ADAMTSL3: variants seen among roughly 807,000 people sequenced by gnomAD.
ADAMTSL3 encodes the protein ADAMTS like 3.
ADAMTSL3 carries 128 observed loss-of-function variants against 201.7 expected under a neutral mutation model. The observed-to-expected ratio is 0.63, with a 90% CI of 0.55 to 0.73. The LOEUF is 0.73. ADAMTSL3 is among the 30% of genes least tolerant of loss of function. The probability of loss-of-function intolerance (pLI) is 0.00; values close to 1 mark genes in which losing one functional copy is unlikely to be tolerated. For missense variants in ADAMTSL3, 1,990 were observed against 2,119.6 expected, an observed-to-expected ratio of 0.94 and a Z score of 1.20; for synonymous variants, 738 against 748.4, an observed-to-expected ratio of 0.99 and a Z score of 0.23.
At chr15:84,027,836 AT>A (rs780364854) in intron 27 of ADAMTSL3, among the ~76,000 whole-genome samples, 3 of 152,124 alleles carry the variant, frequency 2.0e-5, no homozygotes, top group African/African-American at 4.8e-5. Context: ...ACAACACCCC[AT>A]AATAATAAAA....
intron 26 of ADAMTSL3, among the ~76,000 whole-genome samples, 162 bp downstream of exon 26, chr15:84,021,755 A>T (rs2068209632): frequency 6.6e-6 from 1 of 152,164 alleles, no homozygotes; most frequent in Non-Finnish European, 1.5e-5. Flanking sequence ...GTGTCCTGTG[A>T]GGTAGATGTT....
intron 5 of ADAMTSL3, among the ~76,000 whole-genome samples, chr15:83,818,337 T>C (rs1440487292): frequency 6.6e-6 from 1 of 152,108 alleles, no homozygotes. Flanking sequence ...TTTTGTTTTG[T>C]TTTTTTGGCA....
intron 19 of ADAMTSL3, among the ~76,000 whole-genome samples, chr15:83,955,611 G>C (rs577076312): frequency 6.6e-6 from 1 of 152,140 alleles, no homozygotes; most frequent in East Asian, 1.9e-4. Context: ...GGGCCCAAGG[G>C]CTCTTTAGTT....
intron 2 of ADAMTSL3, among the ~76,000 whole-genome samples, chr15:83,667,327 C>A (rs2061261814): frequency 6.6e-6 from 1 of 152,042 alleles, no homozygotes; most frequent in Non-Finnish European, 1.5e-5. Context: ...TTTGACTAGT[C>A]CAGGTCTTTA....
intron 17 of ADAMTSL3, among the ~76,000 whole-genome samples, chr15:83,935,421 G>C (rs6603008): frequency 0.35 from 52,426 of 151,694 alleles, 9,819 homozygotes; most frequent in Admixed American, 0.47. Flanking sequence ...TGTGAAAAAT[G>C]ATAAAAAGGA....
chr15:83,892,860 C>A lies in ADAMTSL3; in HGVS notation c.1439C>A (p.Pro480His). The A allele has an allele frequency of 1.9e-6, 3 of 1,613,942 alleles. No individual in the cohort carries two copies. The highest frequency in any genetic ancestry group is 2.5e-6 in the Non-Finnish European group (3 of 1,179,988). ...VMQTCNLFDC[P>H]KWIAMEWSQC... ...CAAACTTGTAATCTGTTTGATTGCC[C>A]CAAGTGGATTGCCATGGAGTGGTCT... The change falls in exon 13 of 30, where the codon CCC becomes CAC. Residue 480 changes from proline (P) to histidine (H), a missense_variant. Physicochemically the swap from Pro to His is moderately conservative, Grantham distance 77. Transcript: ENST00000286744.
chr15:83,782,703 C>G (rs956145029), intron 4 of ADAMTSL3, among the ~76,000 whole-genome samples: 1 of 151,960 alleles, frequency 6.6e-6, no homozygotes, highest in African/African-American at 2.4e-5. Context: ...AGGGGAACAA[C>G]ATTCACTGGG....
At chr15:83,774,838 C>G (rs2063043949) in intron 4 of ADAMTSL3, among the ~76,000 whole-genome samples, 1 of 149,420 alleles carries the variant, frequency 6.7e-6, no homozygotes, top group South Asian at 2.1e-4. Context: ...ACCCTGTGGG[C>G]AAGGGGAGGA....
chr15:83,819,378 A>G (rs537367299), intron 5 of ADAMTSL3, among the ~76,000 whole-genome samples: 1 of 152,228 alleles, frequency 6.6e-6, no homozygotes, highest in East Asian at 1.9e-4. Flanking sequence ...CATGGATAAC[A>G]ATTAAATTTT....
intron 7 of ADAMTSL3, among the ~76,000 whole-genome samples, chr15:83,850,478 A>G (rs968418781): frequency 6.0e-5 from 9 of 150,316 alleles, no homozygotes; most frequent in Middle Eastern, 3.3e-3. Context: ...GTGTATGTAT[A>G]TGGGTGTATA....
At chr15:83,894,087 G>GTA (rs2065564548) in intron 13 of ADAMTSL3, among the ~76,000 whole-genome samples, 8 of 152,130 alleles carry the variant, frequency 5.3e-5, no homozygotes, top group Admixed American at 5.2e-4. Flanking sequence ...ATTGTATTGT[G>GTA]CATGAGTAGT....
intron 28 of ADAMTSL3, among the ~76,000 whole-genome samples, chr15:84,034,596 A>G (rs951901705): frequency 6.6e-6 from 1 of 152,216 alleles, no homozygotes; most frequent in African/African-American, 2.4e-5. Context: ...TTCTGAAATC[A>G]GAATCACCTA....
At chr15:83,969,305 G>T (rs1259830340) in intron 19 of ADAMTSL3, among the ~76,000 whole-genome samples, 1 of 152,130 alleles carries the variant, frequency 6.6e-6, no homozygotes, top group Non-Finnish European at 1.5e-5. Context: ...GTAGCAGGGT[G>T]CAGTGGTGGG....
intron 15 of ADAMTSL3, among the ~76,000 whole-genome samples, chr15:83,901,292 A>G (rs1420049454): frequency 6.6e-6 from 1 of 152,124 alleles, no homozygotes; most frequent in Non-Finnish European, 1.5e-5. Context: ...GTAAGGGAGT[A>G]AAGTAGTGGA....
At chr15:83,849,110 G>A (rs1306484774) in intron 7 of ADAMTSL3, among the ~76,000 whole-genome samples, 1 of 152,168 alleles carries the variant, frequency 6.6e-6, no homozygotes, top group African/African-American at 2.4e-5. Context: ...AGATGGGATG[G>A]AGAGGAAGCC....
In ADAMTSL3 at chr15:83,872,627, C is replaced by CACAGAG. The variant is rs6145659; in HGVS notation, c.960+1669_960+1670insCAGAGA. ...ACACACACACACACACACACACACA[C>CACAGAG]AGAGTTTTTGTTCTCTTTTAATTAC... On this transcript the variant is annotated intron_variant, in intron 9 of 29. Transcript: ENST00000286744. 0.024 allele frequency among the ~76,000 whole-genome samples: 3,355 copies of CACAGAG among 140,584 alleles called. 205 individuals carry two copies. The East Asian group carries it at 0.26, about 11-fold the overall frequency. The allele number at this position is 140,584 out of a possible 152,430, so 92.2% of individuals were successfully genotyped here. A position where few individuals can be genotyped will look rare whatever the true frequency, so the allele number is the denominator to read the frequency against.
At chr15:84,002,434 C>T (rs1295671841) in intron 23 of ADAMTSL3, among the ~76,000 whole-genome samples, 1 of 152,218 alleles carries the variant, frequency 6.6e-6, no homozygotes, top group Non-Finnish European at 1.5e-5. Flanking sequence ...GTCCTGAAAA[C>T]TCCACAGTCA....
intron 3 of ADAMTSL3, among the ~76,000 whole-genome samples, chr15:83,735,705 G>A (rs2585068): frequency 0.83 from 125,786 of 151,764 alleles, 52,497 homozygotes; most frequent in East Asian, 0.96. Flanking sequence ...CCACTGAGCA[G>A]TTTTTGTCAA....
At chr15:83,693,784 C>G (rs139724044) in intron 2 of ADAMTSL3, among the ~76,000 whole-genome samples, 4 of 152,228 alleles carry the variant, frequency 2.6e-5, no homozygotes, top group Non-Finnish European at 2.9e-5. Flanking sequence ...TGATTCTTGT[C>G]TGTTTTGTTG....
Sources: allele counts gnomAD v4.1 joint callset (sites outside exome capture counted in the v4.1 genomes callset), GRCh38; gene constraint gnomAD v4.1.1; transcripts MANE v1.5; gene names NCBI Gene and HGNC (gene_info 2026-07-23, HGNC 2026-07-21).